Variants in H2BC4 observed in about 807,000 individuals in gnomAD.
The protein encoded by H2BC4 is histone H2B type 1-C/E/F/G/I.
Under a neutral mutation model 6.2 loss-of-function variants are expected in H2BC4, and 10 were observed. The ratio of observed to expected loss-of-function variants is 1.61; its 90% confidence interval spans 0.99 to 2.73. H2BC4 has a LOEUF of 2.73. Among genes scored for constraint, H2BC4 ranks in the 30% most tolerant of loss-of-function variants. The pLI, the probability that H2BC4 is intolerant of heterozygous loss-of-function variation, is 0.00. For missense variants in H2BC4, 176 were observed against 168.7 expected (o/e 1.04, Z -0.24); for synonymous variants, 146 against 70.7 (o/e 2.07, Z -5.35).
chr6:26,116,022 G>A (rs568916652), intron 1 of H2BC4, among the ~76,000 whole-genome samples: 2 of 152,274 alleles, frequency 1.3e-5, no homozygotes, highest in East Asian at 1.9e-4. Context: ...AGAATGGGGG[G>A]AGAGGAGGGA....
downstream of H2BC4, chr6:26,123,261 A>G (rs918787389): frequency 3.5e-6 from 2 of 572,080 alleles, no homozygotes; most frequent in Non-Finnish European, 5.7e-6. Flanking sequence ...AGTTAGCAAA[A>G]TGGCCGCTTG....
At chr6:26,123,366 C>G (rs561633884), downstream of H2BC4, 450 of 1,300,570 alleles carry the variant, frequency 3.5e-4, 4 homozygotes, top group South Asian at 6.5e-3. Context: ...CCTCTCTAAG[C>G]TGCAACACTT....
intron 1 of H2BC4, among the ~76,000 whole-genome samples, chr6:26,116,177 C>T (rs1199138002): frequency 1.3e-5 from 2 of 152,150 alleles, no homozygotes; most frequent in African/African-American, 4.8e-5. Flanking sequence ...CTACATAGGT[C>T]TATTTCCTCA....
At chr6:26,121,677 A>G (rs901111347), downstream of H2BC4, among the ~76,000 whole-genome samples, 3 of 152,052 alleles carry the variant, frequency 2.0e-5, no homozygotes, top group Admixed American at 1.3e-4. Flanking sequence ...TTTTGGTTAC[A>G]CTGATTAGTT....
chr6:26,121,818 C>G (rs554234444), downstream of H2BC4, among the ~76,000 whole-genome samples: 2 of 151,558 alleles, frequency 1.3e-5, no homozygotes, highest in South Asian at 4.2e-4. Flanking sequence ...TTTGGGAGGC[C>G]AAGGCGGGCA....
chr6:26,119,463 G>A (rs945387670), downstream of H2BC4, among the ~76,000 whole-genome samples: 1 of 152,106 alleles, frequency 6.6e-6, no homozygotes, highest in Admixed American at 6.6e-5. Flanking sequence ...AATTCTTAAA[G>A]TTATCATACA....
downstream of H2BC4, among the ~76,000 whole-genome samples, chr6:26,120,693 C>T (rs571152402): frequency 7.2e-5 from 11 of 152,292 alleles, no homozygotes; most frequent in African/African-American, 2.2e-4. Flanking sequence ...TCCAGCATCA[C>T]ATCCCTTACA....
downstream of H2BC4, among the ~76,000 whole-genome samples, chr6:26,123,182 C>A (rs536106943): frequency 1.3e-3 from 193 of 152,278 alleles, 2 homozygotes; most frequent in Non-Finnish European, 1.3e-3. Flanking sequence ...TTGATCCTGG[C>A]GACGTAGACA....
chr6:26,116,518 C>T (rs556129129), intron 1 of H2BC4, among the ~76,000 whole-genome samples: 44 of 152,150 alleles, frequency 2.9e-4, no homozygotes, highest in African/African-American at 8.7e-4. Context: ...CATAGTAAGA[C>T]CCCATCTCTA....
chr6:26,123,633 G>T lies in H2BC4; in HGVS notation c.272C>A (p.Thr91Asn). The T allele has an allele frequency of 6.2e-7, 1 of 1,614,268 alleles. No individual in the cohort carries two copies. Among genetic ancestry groups the T allele is most frequent in the Non-Finnish European group, 8.5e-7 (1 of 1,180,054 alleles). ...CACGGCCGTCTGGATCTCCCTGGAG[G>T]TGATGGTCGAGCGCTTGTTGTAATG... ...LAHYNKRSTITSREIQTAVRL... is the reference protein window; with the variant it reads ...LAHYNKRSTINSREIQTAVRL... The change falls in exon 1 of 1, where the codon ACC becomes AAC. Residue 91 changes from threonine (T) to asparagine (N), a missense_variant. Thr to Asn is a moderately conservative substitution (Grantham distance 65, BLOSUM62 0). Transcript: ENST00000396984.
chr6:26,122,954 A>C (rs1194112677), downstream of H2BC4, among the ~76,000 whole-genome samples: 1 of 152,158 alleles, frequency 6.6e-6, no homozygotes, highest in Non-Finnish European at 1.5e-5. Context: ...GGGCAGTTGG[A>C]AACCCAGGAG....
At chr6:26,117,766 T>C (rs1267780328) in intron 1 of H2BC4, among the ~76,000 whole-genome samples, 1 of 152,244 alleles carries the variant, frequency 6.6e-6, no homozygotes, top group Non-Finnish European at 1.5e-5. Context: ...TTTAAAAAGA[T>C]GATTTATAAA....
chr6:26,122,383 T>C (rs1763511680), downstream of H2BC4, among the ~76,000 whole-genome samples: 3 of 152,218 alleles, frequency 2.0e-5, no homozygotes, highest in Admixed American at 2.0e-4. Context: ...AACTTCTAGG[T>C]GCTAAAAACG....
chr6:26,120,554 T>A (rs1763484919), downstream of H2BC4, among the ~76,000 whole-genome samples: 1 of 152,160 alleles, frequency 6.6e-6, no homozygotes, highest in South Asian at 2.1e-4. Flanking sequence ...AGGTTATCTA[T>A]TTAGCATGTT....
At chr6:26,120,240 C>T (rs962229629), downstream of H2BC4, among the ~76,000 whole-genome samples, 1 of 152,068 alleles carries the variant, frequency 6.6e-6, no homozygotes, top group Non-Finnish European at 1.5e-5. Flanking sequence ...AGGTGGATCA[C>T]CTGAGTTCGA....
downstream of H2BC4, among the ~76,000 whole-genome samples, chr6:26,122,068 AAAAG>A (rs1473867493): frequency 4.0e-5 from 6 of 151,084 alleles, no homozygotes; most frequent in East Asian, 3.9e-4. Context: ...AAAAAAAAAA[AAAAG>A]AAAAAAAAAT....
At chr6:26,116,653 T>C (rs1443146734) in intron 1 of H2BC4, among the ~76,000 whole-genome samples, 1 of 152,058 alleles carries the variant, frequency 6.6e-6, no homozygotes, top group African/African-American at 2.4e-5. Context: ...TGAGATGCGA[T>C]TGCGCCACTA....
chr6:26,123,355 C>T (rs1763536281), downstream of H2BC4: 6 of 1,199,722 alleles, frequency 5.0e-6, no homozygotes, highest in South Asian at 3.3e-5. Flanking sequence ...GACCCTTTGT[C>T]CCTCTCTAAG....
At chr6:26,121,423 A>G (rs1274812386), downstream of H2BC4, among the ~76,000 whole-genome samples, 3 of 152,216 alleles carry the variant, frequency 2.0e-5, no homozygotes, top group Non-Finnish European at 4.4e-5. Context: ...CAAAGGGTCC[A>G]GGGATAGACA....
Sources: gnomAD v4.1 joint callset for allele counts (sites outside exome capture counted in the v4.1 genomes callset) on GRCh38, gnomAD v4.1.1 for gene constraint, MANE v1.5 for transcripts, NCBI Gene and HGNC (gene_info 2026-07-23, HGNC 2026-07-21) for gene names.